Variants in SBF2 observed in about 807,000 individuals in gnomAD.
SBF2 encodes the protein SET binding factor 2, also known as myotubularin-related protein 13.
SBF2 carries 112 observed loss-of-function variants against 225.2 expected under a neutral mutation model. The ratio of observed to expected loss-of-function variants is 0.50; its 90% CI spans 0.43 to 0.58. SBF2 has a LOEUF of 0.58. Among genes scored for constraint, SBF2 ranks in the 20% least tolerant of loss-of-function variants. The pLI is 0.00. For synonymous variants in SBF2, 763 were observed against 773.3 expected (o/e 0.99, Z 0.22); for missense variants, 1,996 against 2,206.2 (o/e 0.90, Z 1.91).
chr11:10,281,356 A>T (rs899966115), intron 1 of SBF2, among the ~76,000 whole-genome samples: 5 of 152,148 alleles, frequency 3.3e-5, no homozygotes, highest in African/African-American at 9.7e-5. Flanking sequence ...TAGGAAAAAG[A>T]AAAGCTAGGA....
chr11:10,119,707 G>C (rs1233208969), intron 2 of SBF2, among the ~76,000 whole-genome samples: 1 of 152,112 alleles, frequency 6.6e-6, no homozygotes, highest in African/African-American at 2.4e-5. Flanking sequence ...ACCAAAGAAT[G>C]TTTAATCTCC....
chr11:10,295,721 T>C (rs1414613210), upstream of SBF2, among the ~76,000 whole-genome samples: 1 of 152,168 alleles, frequency 6.6e-6, no homozygotes, highest in Non-Finnish European at 1.5e-5. Flanking sequence ...TTCCACTGTT[T>C]AACAGCCCTA....
At chr11:10,070,820 T>C (rs1950835539) in intron 2 of SBF2, among the ~76,000 whole-genome samples, 1 of 152,204 alleles carries the variant, frequency 6.6e-6, no homozygotes, top group South Asian at 2.1e-4. Flanking sequence ...TTTGTTTGTG[T>C]CCTCTTTTAT....
At position 9,961,885 on chromosome 11, in the gene SBF2, A is replaced by G. The variant is rs755243494; in HGVS notation, c.1860+72T>C. 5.3e-5 allele frequency: 76 copies of G among 1,444,570 alleles called. No individual in the cohort carries two copies. In the South Asian group the frequency reaches 8.8e-4, roughly 17 times the overall value. 89.5% of individuals were successfully genotyped at this position (1,444,570 alleles called of 1,614,324 possible). On this transcript the variant is annotated intron_variant, in intron 16 of 39. Transcript: ENST00000256190. ...AGGCTCAAGAACTGATATATTGGTA[A>G]TTACAAAATATTCTGGAAAAATGAA...
At chr11:9,938,468 A>T (rs1456220428) in intron 16 of SBF2, among the ~76,000 whole-genome samples, 1 of 151,098 alleles carries the variant, frequency 6.6e-6, no homozygotes, top group African/African-American at 2.4e-5. Flanking sequence ...CTTAAAAAGT[A>T]CAAAAAAAAA....
chr11:10,100,319 T>C (rs757665300), intron 2 of SBF2, among the ~76,000 whole-genome samples: 2 of 152,214 alleles, frequency 1.3e-5, no homozygotes, highest in African/African-American at 2.4e-5. Flanking sequence ...GTTGGGCAGT[T>C]ACAAATTTGG....
chr11:10,015,567 G>A (rs1046589403), intron 6 of SBF2, among the ~76,000 whole-genome samples: 3 of 152,128 alleles, frequency 2.0e-5, no homozygotes, highest in Admixed American at 6.5e-5. Context: ...TGAGGTTATC[G>A]TGGTCCACCT....
At chr11:9,899,513 A>G (rs1861547551) in intron 16 of SBF2, among the ~76,000 whole-genome samples, 1 of 151,178 alleles carries the variant, frequency 6.6e-6, no homozygotes, top group African/African-American at 2.4e-5. Flanking sequence ...AAAAAAAAAA[A>G]AAGCCACTTG....
chr11:10,027,619 G>C (rs1284042524), intron 6 of SBF2, among the ~76,000 whole-genome samples: 2 of 152,196 alleles, frequency 1.3e-5, no homozygotes, highest in Non-Finnish European at 2.9e-5. Flanking sequence ...GACACTCATA[G>C]GCAGGATATA....
At chr11:10,000,308 A>G (rs546415337) in intron 8 of SBF2, among the ~76,000 whole-genome samples, 16 of 152,310 alleles carry the variant, frequency 1.1e-4, no homozygotes, top group Admixed American at 4.6e-4. Context: ...TACAGAACAT[A>G]GTTTCTAAAT....
At chr11:9,782,452 C>T (rs970954123) in intron 38 of SBF2, among the ~76,000 whole-genome samples, 1 of 152,080 alleles carries the variant, frequency 6.6e-6, no homozygotes, top group African/African-American at 2.4e-5. Flanking sequence ...TTAAAAATGG[C>T]TGATGATATC....
intron 2 of SBF2, among the ~76,000 whole-genome samples, chr11:10,096,582 G>A (rs1334699275): frequency 1.3e-5 from 2 of 151,972 alleles, no homozygotes; most frequent in Admixed American, 1.3e-4. Context: ...AAAGCCTTAC[G>A]AGACTTAGAA....
intron 16 of SBF2, among the ~76,000 whole-genome samples, chr11:9,936,244 C>A (rs1864888740): frequency 6.6e-6 from 1 of 152,130 alleles, no homozygotes; most frequent in South Asian, 2.1e-4. Flanking sequence ...AAATCAAAAC[C>A]ACAATGAGAT....
At chr11:9,821,488 T>A (rs774309962) in intron 28 of SBF2, among the ~76,000 whole-genome samples, 3 of 152,172 alleles carry the variant, frequency 2.0e-5, no homozygotes, top group Non-Finnish European at 4.4e-5. Context: ...AGAATTCTAA[T>A]CCCATCTGGA....
At chr11:9,801,585 T>A (rs1208233366) in intron 32 of SBF2, among the ~76,000 whole-genome samples, 1 of 152,044 alleles carries the variant, frequency 6.6e-6, no homozygotes, top group Non-Finnish European at 1.5e-5. Flanking sequence ...CCTAGGAGAG[T>A]GTATAGCTAA....
At chr11:10,253,350 G>A (rs954038626) in intron 1 of SBF2, among the ~76,000 whole-genome samples, 25 of 152,158 alleles carry the variant, frequency 1.6e-4, no homozygotes, top group African/African-American at 5.3e-4. Context: ...CTGAAAGCCT[G>A]TCTTTTTCTT....
intron 2 of SBF2, among the ~76,000 whole-genome samples, chr11:10,095,537 T>C (rs1279528591): frequency 3.3e-5 from 4 of 120,234 alleles, no homozygotes; most frequent in Admixed American, 1.9e-4. Flanking sequence ...ATCACTGAAC[T>C]CCACAAGCTT....
chr11:10,013,074 G>A (rs1378194658), intron 6 of SBF2, among the ~76,000 whole-genome samples: 1 of 152,162 alleles, frequency 6.6e-6, no homozygotes, highest in Non-Finnish European at 1.5e-5. Flanking sequence ...TTTCAGACAT[G>A]TGCATAGTTT....
chr11:10,020,507 C>T (rs956027278), intron 6 of SBF2, among the ~76,000 whole-genome samples: 11 of 151,994 alleles, frequency 7.2e-5, no homozygotes, highest in East Asian at 3.9e-4. Context: ...TCAAGTTGCC[C>T]GCTTGGCCCA....
Sources: allele counts gnomAD v4.1 joint callset (sites outside exome capture counted in the v4.1 genomes callset), GRCh38; gene constraint gnomAD v4.1.1; transcripts MANE v1.5; gene names NCBI Gene and HGNC (gene_info 2026-07-23, HGNC 2026-07-21).